The following ZNF423 variants were observed in gnomAD, a reference collection of about 807,000 sequenced individuals.
The protein encoded by ZNF423 is Ebf-associated zinc finger protein.
Under a neutral mutation model 95.8 loss-of-function variants are expected in ZNF423, and 12 were observed. The ratio of observed to expected loss-of-function variants is 0.13; its 90% CI spans 0.08 to 0.20. The LOEUF (loss-of-function observed/expected upper bound fraction) is 0.20, where lower values mean the gene tolerates loss of function less well. Among genes scored for constraint, ZNF423 ranks in the 10% least tolerant of loss-of-function variants. ZNF423 has a pLI of 1.00. For missense variants in ZNF423, 1,316 were observed against 1,737.1 expected, an observed-to-expected ratio of 0.76 and a Z score of 4.31; for synonymous variants, 749 against 711.9, an observed-to-expected ratio of 1.05 and a Z score of -0.83.
chr16:49,780,322 A>T (rs1888914698), intron 2 of ZNF423, among the ~76,000 whole-genome samples: 1 of 152,186 alleles, frequency 6.6e-6, no homozygotes, highest in African/African-American at 2.4e-5. Context: ...GGTGGGCAGG[A>T]AATGCCACCT....
chr16:49,521,857 C>T (rs1257110568), intron 7 of ZNF423, among the ~76,000 whole-genome samples: 1 of 152,140 alleles, frequency 6.6e-6, no homozygotes, highest in Admixed American at 6.5e-5. Context: ...ATGGTGAATC[C>T]CCCCGGTCCC....
At chr16:49,646,442 AGT>A (rs1973169562) in intron 3 of ZNF423, among the ~76,000 whole-genome samples, 2 of 152,144 alleles carry the variant, frequency 1.3e-5, no homozygotes, top group South Asian at 4.2e-4. Flanking sequence ...AACTAGCATC[AGT>A]GTATTGAGGG....
intron 2 of ZNF423, among the ~76,000 whole-genome samples, chr16:49,785,344 G>A (rs935068449): frequency 1.3e-5 from 2 of 152,200 alleles, no homozygotes; most frequent in African/African-American, 4.8e-5. Context: ...ACCTCACAAA[G>A]TGCTGGGATT....
In ZNF423 at chr16:49,492,034, A is replaced by G. The variant is rs1966993467; in HGVS notation, c.3850-730T>C. ...GGGCCCAGGTGGGACCCTGTGGCCA[A>G]ATGTTTCCCTCTCATTACAGTCAAT... On this transcript the variant is annotated intron_variant, in intron 7 of 7. Coordinates refer to ENST00000563137, the MANE Select transcript of ZNF423 (RefSeq NM_001379286.1). This position sits in a 1 kb window ranked among gnomAD's most constrained non-coding sequence, Gnocchi z 4.2. 1.3e-5 allele frequency among the ~76,000 whole-genome samples: 2 copies of G among 152,288 alleles called. No individual in the cohort carries two copies. Among genetic ancestry groups the G allele is most frequent in the East Asian group, 3.9e-4 (2 of 5,170 alleles).
At chr16:49,600,795 G>A (rs774312985) in intron 5 of ZNF423, among the ~76,000 whole-genome samples, 3 of 152,130 alleles carry the variant, frequency 2.0e-5, no homozygotes, top group Non-Finnish European at 4.4e-5. Context: ...TGAGTGCTCC[G>A]GCTCCGACAC....
At chr16:49,616,962 C>A (rs12935590) in intron 5 of ZNF423, among the ~76,000 whole-genome samples, 41,815 of 152,102 alleles carry the variant, frequency 0.27, 5,924 homozygotes, top group South Asian at 0.4. Context: ...CCTTTTCATA[C>A]ATTTTAATTT....
At chr16:49,744,360 C>T (rs1443789534) in intron 2 of ZNF423, among the ~76,000 whole-genome samples, 1 of 147,430 alleles carries the variant, frequency 6.8e-6, no homozygotes, top group Admixed American at 6.7e-5. Context: ...GCCAGGCAGG[C>T]TGTCCCCAGG....
Position 49,749,496 on chromosome 16 carries a change from T to C in ZNF423, c.101-18525A>G, listed in dbSNP as rs554392499. On this transcript the variant is annotated intron_variant, in intron 2 of 7. Transcript: ENST00000563137. ...CCATACAGAAAAGTATAAAGAAAAA[T>C]AGTAAAAAACACCTGAAATCTCACT... is the stretch of plus-strand genomic sequence containing the variant. Among the ~76,000 whole-genome samples, 11 of 152,148 alleles carry C rather than the reference T, an allele frequency of 7.2e-5. 1 individual carries two copies. In the South Asian group the frequency reaches 2.3e-3, roughly 32 times the overall value.
At chr16:49,701,251 T>G (rs1366541035) in intron 3 of ZNF423, among the ~76,000 whole-genome samples, 1 of 152,164 alleles carries the variant, frequency 6.6e-6, no homozygotes, top group African/African-American at 2.4e-5. Flanking sequence ...TGTGCGTGCA[T>G]GCGCACGTGT....
chr16:49,699,043 A>G (rs937878183), intron 3 of ZNF423, among the ~76,000 whole-genome samples: 10 of 152,212 alleles, frequency 6.6e-5, no homozygotes, highest in Non-Finnish European at 1.2e-4. Context: ...GCACTCACCT[A>G]TTGACATTTT....
intron 3 of ZNF423, chr16:49,711,959 T>C (rs2032556539): frequency 6.6e-6 from 1 of 151,372 alleles, no homozygotes; most frequent in African/African-American, 2.4e-5. Flanking sequence ...AAAAAATAAA[T>C]AAATAATTTA....
intron 7 of ZNF423, among the ~76,000 whole-genome samples, chr16:49,508,235 C>T (rs1378265262): frequency 6.6e-6 from 1 of 152,160 alleles, no homozygotes; most frequent in Non-Finnish European, 1.5e-5. Flanking sequence ...AAAACACAGA[C>T]AACCAGCTAG....
intron 5 of ZNF423, among the ~76,000 whole-genome samples, chr16:49,545,014 T>C (rs903125950): frequency 6.6e-6 from 1 of 152,236 alleles, no homozygotes; most frequent in Non-Finnish European, 1.5e-5. Context: ...ATGGGGCCGG[T>C]GCCGTTATTA....
chr16:49,834,492 T>A (rs1348503061), intron 1 of ZNF423, among the ~76,000 whole-genome samples: 1 of 152,088 alleles, frequency 6.6e-6, no homozygotes. Flanking sequence ...CAGCAGAGAT[T>A]TAGGGGAAGA....
At chr16:49,687,144 A>G (rs2031595181) in intron 3 of ZNF423, among the ~76,000 whole-genome samples, 1 of 151,902 alleles carries the variant, frequency 6.6e-6, no homozygotes, top group South Asian at 2.1e-4. Flanking sequence ...TGTCCCCTAT[A>G]GTTTATTAAC....
At chr16:49,752,928 A>G (rs867327389) in intron 2 of ZNF423, among the ~76,000 whole-genome samples, 1 of 152,168 alleles carries the variant, frequency 6.6e-6, no homozygotes, top group Non-Finnish European at 1.5e-5. Flanking sequence ...GACAAAATCC[A>G]CTAGGCAGCA....
At chr16:49,733,656 G>A (rs7404616) in intron 2 of ZNF423, among the ~76,000 whole-genome samples, 97,911 of 152,088 alleles carry the variant, frequency 0.64, 32,202 homozygotes, top group African/African-American at 0.79. Flanking sequence ...ACGAAGGCGA[G>A]CTCAGGCCAC....
intron 3 of ZNF423, among the ~76,000 whole-genome samples, chr16:49,692,560 A>C (rs2031824823): frequency 6.6e-6 from 1 of 152,208 alleles, no homozygotes; most frequent in African/African-American, 2.4e-5. Context: ...CAGGGTGGAG[A>C]CTGAGAAGCC....
At chr16:49,773,579 T>G (rs1400768329) in intron 2 of ZNF423, among the ~76,000 whole-genome samples, 1 of 152,178 alleles carries the variant, frequency 6.6e-6, no homozygotes, top group Non-Finnish European at 1.5e-5. Context: ...ATTGTCCTCA[T>G]TTTTTGGCAA....
Sources: allele counts gnomAD v4.1 joint callset (sites outside exome capture counted in the v4.1 genomes callset), GRCh38; gene constraint gnomAD v4.1.1; non-coding constraint Gnocchi (gnomAD v3.1); transcripts MANE v1.5; gene names NCBI Gene and HGNC (gene_info 2026-07-23, HGNC 2026-07-21).